Variants in ENTPD3 observed in about 807,000 individuals in gnomAD.
ENTPD3 encodes the protein ectonucleoside triphosphate diphosphohydrolase 3.
ENTPD3 carries 60 observed loss-of-function variants against 51.2 expected under a neutral mutation model. The observed-to-expected ratio is 1.17, with a 90% CI of 0.95 to 1.45. ENTPD3 has a LOEUF of 1.45. Among genes scored for constraint, ENTPD3 ranks in the 40% most tolerant of loss-of-function variants. The pLI is 0.00. For missense variants in ENTPD3, 593 were observed against 641.1 expected (o/e 0.93, Z 0.81); for synonymous variants, 221 against 238.4 (o/e 0.93, Z 0.67).
chr3:40,425,769 G>A (rs796406374), intron 10 of ENTPD3, among the ~76,000 whole-genome samples: 51 of 151,438 alleles, frequency 3.4e-4, no homozygotes, highest in African/African-American at 9.7e-4. Flanking sequence ...ATGGTGGCAT[G>A]TGCCTGTACT....
At position 40,423,767 on chromosome 3, in the gene ENTPD3, G is replaced by C. The variant is rs151205368; in HGVS notation, c.1216-59G>C. 3.1e-5 allele frequency: 49 copies of C among 1,587,626 alleles called. No homozygotes were observed. The African/African-American group carries it at 5.1e-4, about 17-fold the overall frequency. On this transcript the variant is annotated intron_variant, in intron 9 of 10. Transcript: ENST00000301825. ...CTTTAAAACATGACTTTTAACCCAA[G>C]GTGTTCATTTTAAAACATACCTGCC...
At chr3:40,412,049 G>A in intron 5 of ENTPD3, 87 bp downstream of exon 5, 2 of 1,314,888 alleles carry the variant, frequency 1.5e-6, no homozygotes, top group Non-Finnish European at 2.0e-6. Context: ...CTCTATTTCT[G>A]GGAACAACCC....
chr3:40,395,223 A>G (rs993952622), intron 3 of ENTPD3, among the ~76,000 whole-genome samples: 3 of 152,222 alleles, frequency 2.0e-5, no homozygotes, highest in Admixed American at 6.5e-5. Context: ...TGGGCTGGTT[A>G]AGGCAGTTGC....
chr3:40,390,479 GC>G (rs1955027653), intron 2 of ENTPD3, among the ~76,000 whole-genome samples: 1 of 152,132 alleles, frequency 6.6e-6, no homozygotes, highest in Non-Finnish European at 1.5e-5. Context: ...ACAGGCATAA[GC>G]CACTATACCC....
intron 4 of ENTPD3, among the ~76,000 whole-genome samples, chr3:40,402,258 A>G (rs1199029217): frequency 6.6e-6 from 1 of 151,142 alleles, no homozygotes; most frequent in African/African-American, 2.4e-5. Flanking sequence ...AGCCGGGATT[A>G]CAGGTGCCTG....
intron 10 of ENTPD3, among the ~76,000 whole-genome samples, chr3:40,425,574 T>C (rs972122634): frequency 2.6e-5 from 4 of 151,700 alleles, no homozygotes; most frequent in African/African-American, 9.7e-5. Flanking sequence ...ACACTGGAAG[T>C]AAGAATAAAT....
intron 7 of ENTPD3, among the ~76,000 whole-genome samples, chr3:40,419,036 G>A (rs1397759255): frequency 6.6e-6 from 1 of 152,112 alleles, no homozygotes; most frequent in African/African-American, 2.4e-5. Flanking sequence ...TGCCATCACT[G>A]GTCAAAGCTT....
chr3:40,415,557 C>T lies in ENTPD3; in HGVS notation c.598-283C>T, dbSNP rs1345987912. On this transcript the variant is annotated intron_variant, in intron 6 of 10. Transcript: ENST00000301825. ...GTAGACTCACATTCCTGCACGGTAA[C>T]AGGAACAGAGTGTAAATCATGGACT... Among the ~76,000 whole-genome samples, 8 of 152,168 alleles carry T rather than the reference C, an allele frequency of 5.3e-5. 1 individual carries two copies. Among genetic ancestry groups the T allele is most frequent in the South Asian group, 4.1e-4 (2 of 4,828 alleles).
intron 3 of ENTPD3, among the ~76,000 whole-genome samples, chr3:40,396,322 G>T (rs746150378): frequency 2.0e-4 from 31 of 152,126 alleles, no homozygotes; most frequent in Non-Finnish European, 3.7e-4. Context: ...GAAGAGGATT[G>T]CAGGTGATGA....
Position 40,411,964 on chromosome 3 carries a change from T to G in ENTPD3, c.437+2T>G, listed in dbSNP as rs1005844582. 29 of 1,608,818 alleles carry G rather than the reference T, an allele frequency of 1.8e-5. 1 individual carries two copies. The South Asian group carries it at 3.1e-4, about 17-fold the overall frequency. ...CACGGCTGGGATGCGCTTGCTGAGG[T>G]AAAGGCTAAGTGGCACAAAGGAGCC... On this transcript the variant is annotated splice_donor_variant, in intron 5 of 10. Coordinates refer to ENST00000301825, the MANE Select transcript of ENTPD3 (RefSeq NM_001248.4). LOFTEE classifies it high-confidence loss of function.
At chr3:40,402,123 C>CTTTTTCT (rs1553643067) in intron 4 of ENTPD3, among the ~76,000 whole-genome samples, 11 of 95,072 alleles carry the variant, frequency 1.2e-4, no homozygotes, top group South Asian at 8.4e-4. Context: ...TTTTTTTTTT[C>CTTTTTCT]TTTTTTTTTT....
At position 40,402,123 on chromosome 3, in the gene ENTPD3, C is replaced by CTTTTTTTTTTT. The variant is rs58000344; in HGVS notation, c.286+1115_286+1125dup. On this transcript the variant is annotated intron_variant, in intron 4 of 10. Coordinates refer to ENST00000301825, the MANE Select transcript of ENTPD3 (RefSeq NM_001248.4). Reference sequence around the variant, plus strand: ...TTCATTTCCTTTCCTTTTTTTTTTTCTTTTTTTTTTTTTGAGACAGAGTCT... The same window carrying CTTTTTTTTTTT: ...TTCATTTCCTTTCCTTTTTTTTTTTCTTTTTTTTTTTTTTTTTTTTTTTTGAGACAGAGTCT... Among the ~76,000 whole-genome samples, 20 of 95,066 alleles carry CTTTTTTTTTTT rather than the reference C, an allele frequency of 2.1e-4. 1 individual carries two copies. The highest frequency in any genetic ancestry group is 3.6e-4 in the East Asian group (1 of 2,744). The allele number at this position is 95,066 out of a possible 152,430, so 62.4% of individuals were successfully genotyped here.
intron 7 of ENTPD3, among the ~76,000 whole-genome samples, chr3:40,417,367 T>C (rs1266688620): frequency 9.2e-5 from 14 of 152,188 alleles, no homozygotes; most frequent in Admixed American, 9.2e-4. Flanking sequence ...CTTAAAATCA[T>C]AGTAGAAGGC....
chr3:40,402,646 C>T (rs970288172), intron 4 of ENTPD3, among the ~76,000 whole-genome samples: 28 of 151,592 alleles, frequency 1.8e-4, no homozygotes, highest in Admixed American at 9.9e-4. Flanking sequence ...TTGCTAATAC[C>T]GTCTCACAGT....
intron 5 of ENTPD3, 117 bp downstream of exon 5, chr3:40,412,079 C>T (rs1348308622): frequency 7.0e-6 from 7 of 1,004,828 alleles, no homozygotes; most frequent in African/African-American, 1.7e-5. Flanking sequence ...AAAAAGAAGC[C>T]CACATTCTGC....
At chr3:40,399,249 C>T (rs374295183) in intron 3 of ENTPD3, among the ~76,000 whole-genome samples, 1 of 152,202 alleles carries the variant, frequency 6.6e-6, no homozygotes, top group East Asian at 1.9e-4. Context: ...AGAAAAGATA[C>T]AACAAGGGCT....
At chr3:40,390,934 T>C (rs1955038312) in intron 2 of ENTPD3, 1 of 152,158 alleles carries the variant, frequency 6.6e-6, no homozygotes, top group South Asian at 2.1e-4. Context: ...ATGAAATCAT[T>C]TCAGTATAGT....
In ENTPD3 at chr3:40,428,106, G is replaced by A. The variant is rs1294816074; in HGVS notation, c.*598G>A. ...CCCGAAGCACAGAGACATAAAAAAG[G>A]TCTCCCAGAAAACTATAGACCATTC... On this transcript the variant is annotated 3_prime_UTR_variant, in exon 11 of 11. Coordinates refer to ENST00000301825, the MANE Select transcript of ENTPD3 (RefSeq NM_001248.4). 6.4e-6 allele frequency: 1 copy of A among 155,202 alleles called. No individual in the cohort carries two copies. Among genetic ancestry groups the A allele is most frequent in the Non-Finnish European group, 1.4e-5 (1 of 69,868 alleles). The allele number at this position is 155,202 out of a possible 1,614,324, so 9.6% of individuals were successfully genotyped here. A position where few individuals can be genotyped will look rare whatever the true frequency, so the allele number is the denominator to read the frequency against.
chr3:40,398,083 G>A (rs986780144), intron 3 of ENTPD3, among the ~76,000 whole-genome samples: 6 of 152,168 alleles, frequency 3.9e-5, no homozygotes, highest in Non-Finnish European at 5.9e-5. Flanking sequence ...GGCTAGATCC[G>A]TGTGAGTCGG....
Sources: gnomAD v4.1 joint callset for allele counts (sites outside exome capture counted in the v4.1 genomes callset) on GRCh38, gnomAD v4.1.1 for gene constraint, MANE v1.5 for transcripts, NCBI Gene and HGNC (gene_info 2026-07-23, HGNC 2026-07-21) for gene names.